The following HIGD1A variants were observed in gnomAD, a reference collection of about 807,000 sequenced individuals.
The protein encoded by HIGD1A is HIG1 domain family member 1A, mitochondrial.
A neutral mutation model predicts 11.3 loss-of-function variants in HIGD1A; 8 were observed. The ratio of observed to expected loss-of-function variants is 0.71; its 90% CI spans 0.42 to 1.28. The LOEUF (loss-of-function observed/expected upper bound fraction) is 1.28, where lower values mean the gene tolerates loss of function less well. HIGD1A is among the 50% of genes most tolerant of loss of function. The probability of loss-of-function intolerance (pLI) is 0.01; values close to 1 mark genes in which losing one functional copy is unlikely to be tolerated. For synonymous variants in HIGD1A, 32 were observed against 38.4 expected, an observed-to-expected ratio of 0.83 and a Z score of 0.62; for missense variants, 107 against 118.8, an observed-to-expected ratio of 0.90 and a Z score of 0.46.
Position 42,784,898 on chromosome 3 carries a change from T to TA in HIGD1A, c.*372dup, listed in dbSNP as rs1445779472. The TA allele has an allele frequency of 6.1e-5, 12 of 198,282 alleles. No homozygotes were observed. The highest frequency in any genetic ancestry group is 1.1e-4 in the Non-Finnish European group (11 of 98,412). The allele number at this position is 198,282 out of a possible 1,614,324, so 12.3% of individuals were successfully genotyped here. On this transcript the variant is annotated 3_prime_UTR_variant, in exon 4 of 4. Coordinates refer to ENST00000321331, the MANE Select transcript of HIGD1A (RefSeq NM_014056.4). ...AATTAACTGGGGCAAATAGGACTCT[T>TA]ATGCAACATCCAAAATATCTGACAT...
Position 42,783,828 on chromosome 3 carries a change from C to T in HIGD1A, c.*1443G>A, listed in dbSNP as rs1195230305. 6.6e-6 allele frequency among the ~76,000 whole-genome samples: 1 copy of T among 152,080 alleles called. No homozygotes were observed. Among genetic ancestry groups the T allele is most frequent in the African/African-American group, 2.4e-5 (1 of 41,432 alleles). ...TGGTGGCTCACGCCTGTAATCCTAGCACTTTGGGAGGCCGAGGCAGGTGGA... is the reference window on the plus strand; with the variant it reads ...TGGTGGCTCACGCCTGTAATCCTAGTACTTTGGGAGGCCGAGGCAGGTGGA... On this transcript the variant is annotated 3_prime_UTR_variant, in exon 4 of 4. Coordinates refer to ENST00000321331, the MANE Select transcript of HIGD1A (RefSeq NM_014056.4).
chr3:42,786,129 C>G lies in HIGD1A; in HGVS notation c.131G>C (p.Gly44Ala). The change falls in exon 3 of 4, where the codon GGA (glycine) becomes GCA (alanine). Residue 44 changes from glycine to alanine, a missense_variant. Physicochemically the swap from Gly to Ala is moderately conservative, Grantham distance 60. Transcript: ENST00000321331. ...IAGFAAIVAYGLYKLKSRGNT... is the reference protein window; with the variant it reads ...IAGFAAIVAYALYKLKSRGNT... ...TCCCCTGCTCTTCAGTTTATATAATCCATATGCAACAATTGCTGCAAAACC... is the reference window on the plus strand; with the variant it reads ...TCCCCTGCTCTTCAGTTTATATAATGCATATGCAACAATTGCTGCAAAACC... 1 of 1,614,040 alleles carries G rather than the reference C, an allele frequency of 6.2e-7. No homozygotes were observed. Among genetic ancestry groups the G allele is most frequent in the African/African-American group, 1.3e-5 (1 of 75,012 alleles).
intron 2 of HIGD1A, 71 bp from the exon 3 acceptor site, chr3:42,786,233 T>A: frequency 6.9e-7 from 1 of 1,448,306 alleles, no homozygotes; most frequent in Non-Finnish European, 9.6e-7. Flanking sequence ...TCAGTCAATG[T>A]ACATTCTATT....
chr3:42,793,261 A>G (rs1440326060), intron 2 of HIGD1A, among the ~76,000 whole-genome samples: 1 of 152,194 alleles, frequency 6.6e-6, no homozygotes, highest in Non-Finnish European at 1.5e-5. Flanking sequence ...TTTTAACTGC[A>G]TATTAAATGA....
chr3:42,794,991 GT>G (rs890391287), intron 1 of HIGD1A, among the ~76,000 whole-genome samples: 8 of 151,718 alleles, frequency 5.3e-5, no homozygotes, highest in African/African-American at 1.7e-4. Context: ...CCTATGATTA[GT>G]TTTTTTTCTT....
intron 1 of HIGD1A, among the ~76,000 whole-genome samples, chr3:42,801,902 C>T (rs1700569556): frequency 6.6e-6 from 1 of 152,142 alleles, no homozygotes; most frequent in Admixed American, 6.5e-5. Flanking sequence ...TGGTGGTGCA[C>T]ACCTGTAGTC....
In HIGD1A at chr3:42,783,619, TAAACAAAC is replaced by T. The variant is rs201602754; in HGVS notation, c.*1644_*1651del. On this transcript the variant is annotated 3_prime_UTR_variant, in exon 4 of 4. Coordinates refer to ENST00000321331, the MANE Select transcript of HIGD1A (RefSeq NM_014056.4). Reference sequence around the variant, plus strand: ...AACAGAGCAAGACTCTGTCTCAAAATAAACAAACAAACAAACAAACAAACAGTATAAGA... The same window carrying T: ...AACAGAGCAAGACTCTGTCTCAAAATAAACAAACAAACAAACAGTATAAGA... 2.0e-4 allele frequency among the ~76,000 whole-genome samples: 30 copies of T among 152,272 alleles called. No homozygotes were observed. Among genetic ancestry groups the T allele is most frequent in the African/African-American group, 3.8e-4 (16 of 41,560 alleles).
chr3:42,800,592 C>CT (rs953819525), intron 1 of HIGD1A, among the ~76,000 whole-genome samples: 1 of 149,682 alleles, frequency 6.7e-6, no homozygotes, highest in African/African-American at 2.5e-5. Flanking sequence ...TTTGGTTTTT[C>CT]TTTTTTTACA....
chr3:42,801,892 T>C (rs1260517545), intron 1 of HIGD1A, among the ~76,000 whole-genome samples: 1 of 152,228 alleles, frequency 6.6e-6, no homozygotes, highest in Non-Finnish European at 1.5e-5. Context: ...TAGCCGGGCA[T>C]GGTGGTGCAC....
At chr3:42,792,402 G>A (rs988712250) in intron 2 of HIGD1A, among the ~76,000 whole-genome samples, 15 of 152,134 alleles carry the variant, frequency 9.9e-5, no homozygotes, top group African/African-American at 3.4e-4. Context: ...GGCCGGGCGC[G>A]GTGGCTCACG....
At chr3:42,788,743 G>A (rs1339600509) in intron 2 of HIGD1A, among the ~76,000 whole-genome samples, 2 of 151,856 alleles carry the variant, frequency 1.3e-5, no homozygotes, top group Middle Eastern at 3.2e-3. Flanking sequence ...TCAGCCTGGT[G>A]TGGTGGCGGG....
chr3:42,804,259 G>A (rs1700607614), intron 1 of HIGD1A, 177 bp downstream of exon 1: 2 of 1,550,656 alleles, frequency 1.3e-6, no homozygotes, highest in Admixed American at 1.8e-5. Flanking sequence ...CCTCTCATCC[G>A]CCCATGCTCG....
chr3:42,802,646 C>T (rs1700580979), intron 1 of HIGD1A, among the ~76,000 whole-genome samples: 1 of 152,176 alleles, frequency 6.6e-6, no homozygotes, highest in Non-Finnish European at 1.5e-5. Context: ...ACAATAAGTT[C>T]TAATCATATA....
chr3:42,804,486 C>A lies in HIGD1A; in HGVS notation c.-73G>T, dbSNP rs576798789. 6.2e-5 allele frequency: 28 copies of A among 452,020 alleles called. No homozygotes were observed. Among genetic ancestry groups the A allele is most frequent in the Non-Finnish European group, 9.4e-5 (24 of 254,574 alleles). 28.0% of individuals were successfully genotyped at this position (452,020 alleles called of 1,614,324 possible). On this transcript the variant is annotated 5_prime_UTR_variant, in exon 1 of 4. Transcript: ENST00000321331. ...CCAACCGGCTTCCGATCCCTGCAGG[C>A]GCACCCAGTCCTCCCGGCTTCTCCC...
rs530536746 is a variant in HIGD1A, at chr3:42,787,500, G to A, written c.98-1338C>T. On this transcript the variant is annotated intron_variant, in intron 2 of 3. Transcript: ENST00000321331. ...CCAGCTACTTGGGAGGCTGAGGCAG[G>A]AGAATGCTTGAACCTGGGAGGCGGA... Among the ~76,000 whole-genome samples, 434 of 151,004 alleles carry A rather than the reference G, an allele frequency of 2.9e-3. 2 individuals carry two copies. The highest frequency in any genetic ancestry group is 0.014 in the Middle Eastern group (4 of 288).
chr3:42,796,510 C>G (rs569762115), intron 1 of HIGD1A, among the ~76,000 whole-genome samples: 7 of 151,696 alleles, frequency 4.6e-5, no homozygotes, highest in Non-Finnish European at 1.0e-4. Flanking sequence ...CTAGACAGAG[C>G]TGATTTACCA....
rs1290367556 is a variant in HIGD1A at position 42,783,126 on chromosome 3, T to C, written c.*2145A>G. Among the ~76,000 whole-genome samples, 5 of 152,162 alleles carry C rather than the reference T, an allele frequency of 3.3e-5. No individual in the cohort carries two copies. The highest frequency in any genetic ancestry group is 1.2e-4 in the African/African-American group (5 of 41,448). On this transcript the variant is annotated 3_prime_UTR_variant, in exon 4 of 4. Transcript: ENST00000321331. Reference sequence around the variant, plus strand: ...GGGAATGTTTTGAGTTTCAAATACATTTAAACTGTGGAACTAAGAAATGTG... The same window carrying C: ...GGGAATGTTTTGAGTTTCAAATACACTTAAACTGTGGAACTAAGAAATGTG...
Position 42,800,637 on chromosome 3 carries a change from T to TC in HIGD1A, c.-23+3798_-23+3799insG, listed in dbSNP as rs1700545376. 1.6e-4 allele frequency among the ~76,000 whole-genome samples: 6 copies of TC among 37,218 alleles called. No individual in the cohort carries two copies. In the South Asian group the frequency reaches 3.8e-3, roughly 23 times the overall value. The allele number at this position is 37,218 out of a possible 152,430, so 24.4% of individuals were successfully genotyped here. The stretch of plus-strand genomic sequence containing the variant: ...AACATTATTTTAATAGTTACAAAAC[T>TC]TTTTTTTTAACAGAATCAGTATAAA... On this transcript the variant is annotated intron_variant, in intron 1 of 3. Coordinates refer to ENST00000321331, the MANE Select transcript of HIGD1A (RefSeq NM_014056.4).
intron 2 of HIGD1A, among the ~76,000 whole-genome samples, chr3:42,793,520 CTA>C (rs1328557774): frequency 1.3e-5 from 2 of 152,218 alleles, no homozygotes; most frequent in African/African-American, 2.4e-5. Flanking sequence ...ACACTTCATT[CTA>C]TATGTCTTTG....
Sources: allele counts gnomAD v4.1 joint callset (sites outside exome capture counted in the v4.1 genomes callset), GRCh38; gene constraint gnomAD v4.1.1; transcripts MANE v1.5; gene names NCBI Gene and HGNC (gene_info 2026-07-23, HGNC 2026-07-21).